ARL5B: variants seen among roughly 807,000 people sequenced by gnomAD.
ARL5B encodes the protein ARF like GTPase 5B.
ARL5B carries 10 observed loss-of-function variants against 26.9 expected under a neutral mutation model. The observed-to-expected ratio is 0.37, with a 90% confidence interval of 0.23 to 0.63. The LOEUF (loss-of-function observed/expected upper bound fraction) is 0.63, where lower values mean the gene tolerates loss of function less well. Ranked by LOEUF, ARL5B falls within the 30% of genes least tolerant of loss-of-function variation. ARL5B has a pLI of 0.62. For synonymous variants in ARL5B, 87 were observed against 70.4 expected (o/e 1.24, Z -1.18); for missense variants, 167 against 213.9 (o/e 0.78, Z 1.37).
intron 3 of ARL5B, among the ~76,000 whole-genome samples, chr10:18,671,190 TTTTA>T (rs1255864701): frequency 7.9e-5 from 12 of 152,280 alleles, no homozygotes; most frequent in South Asian, 2.1e-4. Flanking sequence ...TATTTTTGTT[TTTTA>T]TTTATTTATT....
intron 1 of ARL5B, among the ~76,000 whole-genome samples, chr10:18,662,361 A>G (rs1409560904): frequency 6.6e-6 from 1 of 152,200 alleles, no homozygotes; most frequent in Non-Finnish European, 1.5e-5. Context: ...CGTCTTATAA[A>G]TTAGATACCT....
intron 3 of ARL5B, among the ~76,000 whole-genome samples, chr10:18,672,309 A>G (rs1189734350): frequency 6.6e-6 from 1 of 152,200 alleles, no homozygotes; most frequent in Non-Finnish European, 1.5e-5. Flanking sequence ...TTTCTTTTCA[A>G]AAATTGCTTT....
chr10:18,673,128 T>C (rs1455511659), intron 4 of ARL5B, among the ~76,000 whole-genome samples: 1 of 152,092 alleles, frequency 6.6e-6, no homozygotes, highest in Non-Finnish European at 1.5e-5. Flanking sequence ...CGTGGCGCGA[T>C]CTTGGCTCAC....
chr10:18,667,350 G>A (rs1041385255), intron 2 of ARL5B, among the ~76,000 whole-genome samples: 2 of 152,114 alleles, frequency 1.3e-5, no homozygotes, highest in African/African-American at 2.4e-5. Context: ...AGTGATTAAC[G>A]CATTTTTCAG....
At chr10:18,667,730 C>G (rs12219160) in intron 2 of ARL5B, among the ~76,000 whole-genome samples, 1 of 150,686 alleles carries the variant, frequency 6.6e-6, no homozygotes, top group African/African-American at 2.4e-5. Context: ...CACACACAAA[C>G]ACACACACAC....
chr10:18,673,919 T>C lies in ARL5B; in HGVS notation c.340-65T>C. 2 of 1,457,372 alleles carry C rather than the reference T, an allele frequency of 1.4e-6. 1 individual carries two copies. The highest frequency in any genetic ancestry group is 2.9e-5 in the South Asian group (2 of 67,852). The allele number at this position is 1,457,372 out of a possible 1,614,324, so 90.3% of individuals were successfully genotyped here. A position where few individuals can be genotyped will look rare whatever the true frequency, so the allele number is the denominator to read the frequency against. On this transcript the variant is annotated intron_variant, in intron 4 of 5. Coordinates refer to ENST00000377275, the MANE Select transcript of ARL5B (RefSeq NM_178815.5). Reference sequence around the variant, plus strand: ...TAAAGTAGAAGCACTTCATTATAACTGTTCAGCTGGGTAAATTTAAATTGT... The same window carrying C: ...TAAAGTAGAAGCACTTCATTATAACCGTTCAGCTGGGTAAATTTAAATTGT...
intron 4 of ARL5B, 29 bp downstream of exon 4, chr10:18,672,734 A>C (rs1564866675): frequency 1.3e-6 from 2 of 1,518,438 alleles, no homozygotes; most frequent in Non-Finnish European, 9.1e-7. Flanking sequence ...TCTTTAAAAA[A>C]CAGTGTAGTA....
In ARL5B at chr10:18,676,801, TG is replaced by T. The variant is rs996502124; in HGVS notation, c.*1587del. ...TTAGTCAAGTTAATTTAGTCGAATG[TG>T]GTAACATTTTTCTGATTTATCTTTA... On this transcript the variant is annotated 3_prime_UTR_variant, in exon 6 of 6. Coordinates refer to ENST00000377275, the MANE Select transcript of ARL5B (RefSeq NM_178815.5). 10 of 151,946 alleles carry T rather than the reference TG, an allele frequency of 6.6e-5. No individual in the cohort carries two copies. Among genetic ancestry groups the T allele is most frequent in the African/African-American group, 2.4e-4 (10 of 41,436 alleles). The allele number at this position is 151,946 out of a possible 1,614,324, so 9.4% of individuals were successfully genotyped here. A position where few individuals can be genotyped will look rare whatever the true frequency, so the allele number is the denominator to read the frequency against.
chr10:18,660,113 A>G (rs557031764), intron 1 of ARL5B, among the ~76,000 whole-genome samples: 4 of 151,682 alleles, frequency 2.6e-5, no homozygotes, highest in Non-Finnish European at 4.4e-5. Flanking sequence ...CTGCAGTTTG[A>G]GCCGTAAGCC....
intron 1 of ARL5B, among the ~76,000 whole-genome samples, chr10:18,661,292 C>A (rs2059835342): frequency 6.6e-6 from 1 of 152,194 alleles, no homozygotes; most frequent in Non-Finnish European, 1.5e-5. Context: ...TTCCTTTCTC[C>A]CTTTTCTGTT....
At chr10:18,674,701 C>T (rs1451382642) in intron 5 of ARL5B, among the ~76,000 whole-genome samples, 1 of 152,158 alleles carries the variant, frequency 6.6e-6, no homozygotes, top group East Asian at 1.9e-4. Flanking sequence ...GAGAACTTAT[C>T]CTCAAATCAA....
chr10:18,674,524 G>C (rs1486392908), intron 5 of ARL5B, among the ~76,000 whole-genome samples: 1 of 152,124 alleles, frequency 6.6e-6, no homozygotes, highest in African/African-American at 2.4e-5. Context: ...CTTTCTGCAA[G>C]AGTATGTCTT....
intron 1 of ARL5B, among the ~76,000 whole-genome samples, chr10:18,661,220 C>T (rs573055526): frequency 1.3e-5 from 2 of 152,320 alleles, no homozygotes; most frequent in East Asian, 3.9e-4. Context: ...TCTCTTTCCC[C>T]TGAGCTGGAG....
chr10:18,663,408 C>A (rs1418626610), intron 1 of ARL5B, among the ~76,000 whole-genome samples: 1 of 152,170 alleles, frequency 6.6e-6, no homozygotes, highest in Non-Finnish European at 1.5e-5. Flanking sequence ...ATAATTTAAT[C>A]ATTTCTTTCC....
chr10:18,659,842 A>G, intron 1 of ARL5B, 159 bp downstream of exon 1: 4 of 985,300 alleles, frequency 4.1e-6, no homozygotes, highest in Non-Finnish European at 4.8e-6. Flanking sequence ...GACCTGGAGG[A>G]CGTACAGGAG....
intron 3 of ARL5B, among the ~76,000 whole-genome samples, chr10:18,670,178 G>A (rs373764710): frequency 1.2e-4 from 19 of 152,178 alleles, no homozygotes; most frequent in African/African-American, 4.6e-4. Flanking sequence ...CAAAGATGGC[G>A]TATCATAGAT....
At chr10:18,669,890 A>G (rs1422022793) in intron 3 of ARL5B, among the ~76,000 whole-genome samples, 1 of 150,922 alleles carries the variant, frequency 6.6e-6, no homozygotes, top group Non-Finnish European at 1.5e-5. Flanking sequence ...GCTACTCAGG[A>G]GGCTGAGGCA....
chr10:18,675,163 T>C lies in ARL5B; in HGVS notation c.492-5T>C. The C allele has an allele frequency of 6.2e-7, 1 of 1,612,526 alleles. No homozygotes were observed. Among genetic ancestry groups the C allele is most frequent in the Non-Finnish European group, 8.5e-7 (1 of 1,178,882 alleles). ...TAATTAAAAATACTTCTATCTTTTG[T>C]TTAGGTTATGCCAAGGTCTAGAGTG... On this transcript the variant is annotated splice_polypyrimidine_tract_variant and splice_region_variant and intron_variant, in intron 5 of 5. Coordinates refer to ENST00000377275, the MANE Select transcript of ARL5B (RefSeq NM_178815.5).
At position 18,672,710 on chromosome 10, in the gene ARL5B, A is replaced by G. The variant is rs766495533; in HGVS notation, c.339+5A>G. ...TACAGAATGTTGGCTCATGAGGTAA[A>G]TTTTTAAAGTAAATCTTTAAAAAAC... is the stretch of plus-strand genomic sequence containing the variant. On this transcript the variant is annotated splice_donor_5th_base_variant and intron_variant, in intron 4 of 5. Coordinates refer to ENST00000377275, the MANE Select transcript of ARL5B (RefSeq NM_178815.5). The G allele has an allele frequency of 6.9e-6, 11 of 1,596,348 alleles. No individual in the cohort carries two copies. Among genetic ancestry groups the G allele is most frequent in the South Asian group, 6.7e-5 (6 of 89,374 alleles).
Sources: allele counts gnomAD v4.1 joint callset (sites outside exome capture counted in the v4.1 genomes callset), GRCh38; gene constraint gnomAD v4.1.1; transcripts MANE v1.5; gene names NCBI Gene and HGNC (gene_info 2026-07-23, HGNC 2026-07-21).